MSRA: variants seen among roughly 807,000 people sequenced by gnomAD.
MSRA encodes the protein methionine sulfoxide reductase A.
MSRA carries 54 observed loss-of-function variants against 31.3 expected under a neutral mutation model. That is an observed-to-expected ratio of 1.73 (90% CI 1.39 to 2.17). The LOEUF (loss-of-function observed/expected upper bound fraction) is 2.17, where lower values mean the gene tolerates loss of function less well. Among genes scored for constraint, MSRA ranks in the 30% most tolerant of loss-of-function variants. The pLI is 0.00. For missense variants in MSRA, 507 were observed against 300.9 expected, an observed-to-expected ratio of 1.69 and a Z score of -5.07; for synonymous variants, 169 against 116.5, an observed-to-expected ratio of 1.45 and a Z score of -2.90.
chr8:10,160,522 C>G (rs978078838), intron 1 of MSRA, among the ~76,000 whole-genome samples: 1 of 151,722 alleles, frequency 6.6e-6, no homozygotes, highest in Non-Finnish European at 1.5e-5. Flanking sequence ...ATATAGATCT[C>G]TATAGATAGG....
At chr8:10,244,500 C>A (rs1479485258) in intron 2 of MSRA, among the ~76,000 whole-genome samples, 1 of 152,074 alleles carries the variant, frequency 6.6e-6, no homozygotes, top group Non-Finnish European at 1.5e-5. Context: ...CCTTCCAAAC[C>A]CTTCTCCTGC....
chr8:10,385,324 TA>T (rs1316651012), intron 5 of MSRA, among the ~76,000 whole-genome samples: 1 of 152,172 alleles, frequency 6.6e-6, no homozygotes, highest in African/African-American at 2.4e-5. Context: ...GGATTCTTAC[TA>T]AAATTGGACA....
chr8:10,301,476 A>G lies in MSRA; in HGVS notation c.332-58A>G. 7 of 1,346,702 alleles carry G rather than the reference A, an allele frequency of 5.2e-6. No individual in the cohort carries two copies. In the Admixed American group the frequency reaches 1.1e-4, roughly 21 times the overall value. 83.4% of individuals were successfully genotyped at this position (1,346,702 alleles called of 1,614,324 possible). A position where few individuals can be genotyped will look rare whatever the true frequency, so the allele number is the denominator to read the frequency against. On this transcript the variant is annotated intron_variant, in intron 3 of 5. Transcript: ENST00000317173. Reference sequence around the variant, plus strand: ...CTGTTGTTTTTTTTGTGAACAAAAAACTTGCAATAAATGGATGTTGTCAGT... The same window carrying G: ...CTGTTGTTTTTTTTGTGAACAAAAAGCTTGCAATAAATGGATGTTGTCAGT...
intron 1 of MSRA, among the ~76,000 whole-genome samples, chr8:10,117,599 TTTTATA>T (rs1800779121): frequency 6.6e-6 from 1 of 152,208 alleles, no homozygotes; most frequent in African/African-American, 2.4e-5. Context: ...ATTAAGTATC[TTTTATA>T]TATAGATATA....
intron 5 of MSRA, among the ~76,000 whole-genome samples, chr8:10,375,944 T>C (rs1805732924): frequency 6.6e-6 from 1 of 152,204 alleles, no homozygotes; most frequent in East Asian, 1.9e-4. Context: ...TGTGTGGACT[T>C]TCTGATGGGG....
At chr8:10,153,672 T>C (rs1803909659) in intron 1 of MSRA, among the ~76,000 whole-genome samples, 1 of 152,272 alleles carries the variant, frequency 6.6e-6, no homozygotes, top group African/African-American at 2.4e-5. Flanking sequence ...TCGCCCACCG[T>C]CTGAGAAACC....
In MSRA at chr8:10,207,610, C is replaced by G. The variant is rs192559535; in HGVS notation, c.143-223C>G. On this transcript the variant is annotated intron_variant, in intron 1 of 5. Coordinates refer to ENST00000317173, the MANE Select transcript of MSRA (RefSeq NM_012331.5). ...TGTCCAGCTCTGCACAAGCTCAGAC[C>G]TCAGCCTACTCATTTATAAAATGAC... Among the ~76,000 whole-genome samples, 366 of 152,276 alleles carry G rather than the reference C, an allele frequency of 2.4e-3. 2 individuals are homozygous for G. Among genetic ancestry groups the G allele is most frequent in the African/African-American group, 8.5e-3 (353 of 41,558 alleles).
intron 1 of MSRA, among the ~76,000 whole-genome samples, chr8:10,138,771 C>T (rs1802475850): frequency 6.6e-6 from 1 of 152,190 alleles, no homozygotes. Flanking sequence ...AAACCACTCC[C>T]CTTATCTTAG....
intron 2 of MSRA, among the ~76,000 whole-genome samples, chr8:10,223,298 A>G (rs963255132): frequency 6.6e-6 from 1 of 152,240 alleles, no homozygotes; most frequent in Non-Finnish European, 1.5e-5. Context: ...GTTGAAGTTG[A>G]GAAGCACTTC....
At chr8:10,222,691 T>G (rs559201449) in intron 2 of MSRA, among the ~76,000 whole-genome samples, 5 of 152,196 alleles carry the variant, frequency 3.3e-5, no homozygotes, top group African/African-American at 1.2e-4. Context: ...GGCAACAGTA[T>G]TGATTAACCT....
chr8:10,312,972 G>A (rs577740819), intron 4 of MSRA, among the ~76,000 whole-genome samples: 2 of 152,316 alleles, frequency 1.3e-5, no homozygotes, highest in South Asian at 4.1e-4. Context: ...GAATGCCATT[G>A]CAATTTCTAA....
chr8:10,226,546 C>T (rs866817303), intron 2 of MSRA, among the ~76,000 whole-genome samples: 24 of 152,264 alleles, frequency 1.6e-4, no homozygotes, highest in South Asian at 8.3e-4. Context: ...CATTGGAATT[C>T]CATAGATCTC....
intron 1 of MSRA, among the ~76,000 whole-genome samples, chr8:10,109,046 T>A (rs1007407325): frequency 1.3e-5 from 2 of 152,202 alleles, no homozygotes; most frequent in African/African-American, 4.8e-5. Flanking sequence ...TCAGTTCAAT[T>A]AGATCAACTC....
At chr8:10,257,825 A>T (rs1186138619) in intron 3 of MSRA, among the ~76,000 whole-genome samples, 1 of 152,106 alleles carries the variant, frequency 6.6e-6, no homozygotes, top group Non-Finnish European at 1.5e-5. Context: ...CTAGGATGTA[A>T]TTCTATTTTT....
chr8:10,428,761 G>T lies in MSRA; in HGVS notation c.*449G>T, dbSNP rs1486118056. ...TTTACCAAATCTAGACATACATAAG[G>T]GGCTTTCTCTCCCTTTTCAGCCCTC... On this transcript the variant is annotated 3_prime_UTR_variant, in exon 6 of 6. Transcript: ENST00000317173. 5.4e-6 allele frequency: 1 copy of T among 184,252 alleles called. No homozygotes were observed. Among genetic ancestry groups the T allele is most frequent in the Non-Finnish European group, 1.1e-5 (1 of 90,766 alleles). The allele number at this position is 184,252 out of a possible 1,614,324, so 11.4% of individuals were successfully genotyped here. A position where few individuals can be genotyped will look rare whatever the true frequency, so the allele number is the denominator to read the frequency against.
chr8:10,313,473 A>G (rs573860105), intron 4 of MSRA, among the ~76,000 whole-genome samples: 2 of 152,216 alleles, frequency 1.3e-5, no homozygotes, highest in East Asian at 3.9e-4. Flanking sequence ...AATCTAAAAA[A>G]AAAAAAACAA....
Position 10,309,867 on chromosome 8 carries a change from G to C in MSRA, c.436+8229G>C, listed in dbSNP as rs1025441836. ...CAGGTGGTCCCAGGGAATCGGGTGG[G>C]ATAGGTCCACTCCGTGTTCAGGAGG... On this transcript the variant is annotated intron_variant, in intron 4 of 5. Transcript: ENST00000317173. Among the ~76,000 whole-genome samples, 6 of 152,184 alleles carry C rather than the reference G, an allele frequency of 3.9e-5. No individual in the cohort carries two copies. In the South Asian group the frequency reaches 8.3e-4, roughly 21 times the overall value.
At chr8:10,127,136 G>C (rs927450866) in intron 1 of MSRA, among the ~76,000 whole-genome samples, 12 of 152,240 alleles carry the variant, frequency 7.9e-5, no homozygotes, top group Admixed American at 2.0e-4. Flanking sequence ...TGGTGTGCTT[G>C]GTCCTCTCTG....
Position 10,307,303 on chromosome 8 carries a change from A to T in MSRA, c.436+5665A>T, listed in dbSNP as rs568597220. Among the ~76,000 whole-genome samples, 7 of 151,984 alleles carry T rather than the reference A, an allele frequency of 4.6e-5. No individual in the cohort carries two copies. In the East Asian group the frequency reaches 1.4e-3, roughly 30 times the overall value. On this transcript the variant is annotated intron_variant, in intron 4 of 5. Coordinates refer to ENST00000317173, the MANE Select transcript of MSRA (RefSeq NM_012331.5). Reference sequence around the variant, plus strand: ...CACCTCAGCCTCCTGAGTAGCTAGGATGACAGGTGCACGCCACCATGCCCA... The same window carrying T: ...CACCTCAGCCTCCTGAGTAGCTAGGTTGACAGGTGCACGCCACCATGCCCA...
Sources: allele counts gnomAD v4.1 joint callset (sites outside exome capture counted in the v4.1 genomes callset), GRCh38; gene constraint gnomAD v4.1.1; transcripts MANE v1.5; gene names NCBI Gene and HGNC (gene_info 2026-07-23, HGNC 2026-07-21).